Variants in CPM observed in about 807,000 individuals in gnomAD.
CPM encodes the protein carboxypeptidase M.
CPM carries 35 observed loss-of-function variants against 46.4 expected under a neutral mutation model. The observed-to-expected ratio is 0.75, with a 90% CI of 0.58 to 1.00. The LOEUF (loss-of-function observed/expected upper bound fraction) is 1.00, where lower values mean the gene tolerates loss of function less well. CPM is among the 50% of genes least tolerant of loss of function. CPM has a pLI of 0.00. For missense variants in CPM, 422 were observed against 530.4 expected, an observed-to-expected ratio of 0.80 and a Z score of 2.01; for synonymous variants, 195 against 195.3, an observed-to-expected ratio of 1.00 and a Z score of 0.01.
intron 3 of CPM, among the ~76,000 whole-genome samples, chr12:68,877,511 A>G (rs1886011340): frequency 6.6e-6 from 1 of 152,240 alleles, no homozygotes; most frequent in Admixed American, 6.5e-5. Context: ...CACATTTTAT[A>G]GAGGCACAGG....
At chr12:68,888,238 T>G (rs970131330) in intron 2 of CPM, among the ~76,000 whole-genome samples, 1 of 152,190 alleles carries the variant, frequency 6.6e-6, no homozygotes, top group African/African-American at 2.4e-5. Flanking sequence ...ACATAAAAGA[T>G]AATGTAAGAT....
chr12:68,859,555 G>T (rs1885120880), intron 7 of CPM, among the ~76,000 whole-genome samples: 2 of 152,198 alleles, frequency 1.3e-5, no homozygotes, highest in East Asian at 3.8e-4. Flanking sequence ...TGGAAGCATG[G>T]AATCGATTGG....
At chr12:68,850,393 G>T (rs377010913), downstream of CPM, 76 of 152,062 alleles carry the variant, frequency 5.0e-4, no homozygotes, top group African/African-American at 1.7e-3. Context: ...TGAAAACAGA[G>T]AAACTATTTC....
intron 2 of CPM, among the ~76,000 whole-genome samples, chr12:68,910,745 T>A (rs1486309032): frequency 6.6e-6 from 1 of 152,168 alleles, no homozygotes; most frequent in East Asian, 1.9e-4. Context: ...TATCATTTCA[T>A]TTTTTTACTA....
At chr12:68,843,941 A>G (rs563860571) in intron 5 of CPM, 38 of 211,308 alleles carry the variant, frequency 1.8e-4, no homozygotes, top group Non-Finnish European at 2.9e-4. Context: ...GAGGTCCTCA[A>G]AGCATTATTG....
intron 1 of CPM, among the ~76,000 whole-genome samples, chr12:68,949,268 G>A (rs1888897292): frequency 6.6e-6 from 1 of 152,178 alleles, no homozygotes; most frequent in African/African-American, 2.4e-5. Flanking sequence ...CTACTCAGGG[G>A]GCTGAGGCAA....
At chr12:68,874,996 G>C (rs915995412) in intron 3 of CPM, among the ~76,000 whole-genome samples, 2 of 152,168 alleles carry the variant, frequency 1.3e-5, no homozygotes, top group African/African-American at 4.8e-5. Flanking sequence ...AGGTTGAGTT[G>C]GTATTCTGTT....
intron 1 of CPM, among the ~76,000 whole-genome samples, chr12:68,944,673 G>A (rs1387756807): frequency 2.6e-5 from 4 of 151,624 alleles, no homozygotes; most frequent in African/African-American, 7.3e-5. Flanking sequence ...ATACAGGAAT[G>A]ATAGGCATGA....
At chr12:68,877,738 C>T (rs950520449) in intron 3 of CPM, among the ~76,000 whole-genome samples, 2 of 152,122 alleles carry the variant, frequency 1.3e-5, no homozygotes, top group Admixed American at 6.5e-5. Context: ...GCTTGGGCAG[C>T]GGCATTTAGA....
rs532025831 is a variant in CPM, at chr12:68,862,149, G to A, written c.941-3078C>T. On this transcript the variant is annotated intron_variant, in intron 7 of 8. Coordinates refer to ENST00000551568, the MANE Select transcript of CPM (RefSeq NM_198320.5). Reference sequence around the variant, plus strand: ...TGCCTACCCTCAAAGATAGAAAAAGGAAGAACAATTTGCATTTGAAGAAAT... The same window carrying A: ...TGCCTACCCTCAAAGATAGAAAAAGAAAGAACAATTTGCATTTGAAGAAAT... Among the ~76,000 whole-genome samples the A allele has an allele frequency of 1.4e-4, 19 of 139,090 alleles. 4 individuals are homozygous for A. Among genetic ancestry groups the A allele is most frequent in the Admixed American group, 6.5e-4 (9 of 13,756 alleles). The allele number at this position is 139,090 out of a possible 152,430, so 91.2% of individuals were successfully genotyped here.
At chr12:68,877,529 T>C (rs1383767453) in intron 3 of CPM, among the ~76,000 whole-genome samples, 1 of 152,186 alleles carries the variant, frequency 6.6e-6, no homozygotes, top group Non-Finnish European at 1.5e-5. Context: ...AGGCTAACAA[T>C]TACGCTCATG....
intron 1 of CPM, among the ~76,000 whole-genome samples, chr12:68,946,762 T>C (rs573947169): frequency 6.6e-6 from 1 of 152,320 alleles, no homozygotes; most frequent in Non-Finnish European, 1.5e-5. Context: ...CAAATAGCGA[T>C]ACTACCATAA....
chr12:68,901,310 G>T (rs995379339), intron 2 of CPM, among the ~76,000 whole-genome samples: 1 of 152,336 alleles, frequency 6.6e-6, no homozygotes, highest in East Asian at 1.9e-4. Flanking sequence ...CCTGCGGCTT[G>T]TAAGGGTGGG....
At chr12:68,906,624 G>C (rs1887361862) in intron 2 of CPM, among the ~76,000 whole-genome samples, 1 of 152,032 alleles carries the variant, frequency 6.6e-6, no homozygotes, top group Non-Finnish European at 1.5e-5. Context: ...CGAGTACCTG[G>C]GATTACAGGT....
intron 2 of CPM, among the ~76,000 whole-genome samples, chr12:68,916,863 G>A (rs1304847103): frequency 6.7e-6 from 1 of 148,312 alleles, no homozygotes; most frequent in Non-Finnish European, 1.5e-5. Flanking sequence ...ACTCCAGCCT[G>A]GGTGACAGAG....
intron 3 of CPM, among the ~76,000 whole-genome samples, chr12:68,881,145 A>G (rs944261125): frequency 8.5e-5 from 13 of 152,250 alleles, no homozygotes; most frequent in Non-Finnish European, 1.5e-4. Flanking sequence ...CTGAACCCTC[A>G]GCATCAATCA....
chr12:68,939,908 C>T (rs1433838891), intron 1 of CPM, among the ~76,000 whole-genome samples: 1 of 152,036 alleles, frequency 6.6e-6, no homozygotes, highest in Non-Finnish European at 1.5e-5. Flanking sequence ...GAACATTTCT[C>T]TCATAGTCTT....
upstream of CPM, among the ~76,000 whole-genome samples, chr12:68,934,542 C>T (rs1217348675): frequency 1.3e-5 from 2 of 152,054 alleles, no homozygotes; most frequent in Non-Finnish European, 2.9e-5. Flanking sequence ...TGATGGTTTC[C>T]AGCTTCATCC....
chr12:68,865,033 A>C (rs1885375967), intron 7 of CPM, among the ~76,000 whole-genome samples: 2 of 152,164 alleles, frequency 1.3e-5, no homozygotes, highest in African/African-American at 4.8e-5. Flanking sequence ...TGATAATGAT[A>C]ATAATAGTAA....
Sources: allele counts gnomAD v4.1 joint callset (sites outside exome capture counted in the v4.1 genomes callset), GRCh38; gene constraint gnomAD v4.1.1; transcripts MANE v1.5; gene names NCBI Gene and HGNC (gene_info 2026-07-23, HGNC 2026-07-21).